CSMD2: variants seen among roughly 807,000 people sequenced by gnomAD.
The protein encoded by CSMD2 is CUB and Sushi multiple domains 2.
CSMD2 carries 130 observed loss-of-function variants against 398.5 expected under a neutral mutation model. The observed-to-expected ratio is 0.33, with a 90% confidence interval of 0.28 to 0.38. The LOEUF is 0.38. Ranked by LOEUF, CSMD2 falls within the 10% of genes least tolerant of loss-of-function variation. CSMD2 has a pLI of 1.00. For synonymous variants in CSMD2, 1,828 were observed against 1,908.5 expected (o/e 0.96, Z 1.10); for missense variants, 3,829 against 4,764.9 (o/e 0.80, Z 5.78).
At position 33,861,012 on chromosome 1, in the gene CSMD2, C is replaced by T. The variant is rs567209378; in HGVS notation, c.921-14016G>A. On this transcript the variant is annotated intron_variant, in intron 5 of 70. Transcript: ENST00000373381. ...ATCTCTATATCTTCTCTGTGCTTTG[C>T]TACCTTCATCTGAATTCACTTATCC... 5.9e-5 allele frequency: 9 copies of T among 152,310 alleles called. No individual in the cohort carries two copies. The South Asian group carries it at 1.9e-3, about 32-fold the overall frequency. 9.4% of individuals were successfully genotyped at this position (152,310 alleles called of 1,614,324 possible).
At chr1:33,821,345 C>A (rs916269609) in intron 7 of CSMD2, among the ~76,000 whole-genome samples, 1 of 152,156 alleles carries the variant, frequency 6.6e-6, no homozygotes, top group East Asian at 1.9e-4. Flanking sequence ...GGTAGGCAAC[C>A]CTTTGGCCCC....
chr1:33,802,538 TC>T (rs1248574108), intron 10 of CSMD2, among the ~76,000 whole-genome samples: 2 of 152,148 alleles, frequency 1.3e-5, no homozygotes, highest in Non-Finnish European at 2.9e-5. Flanking sequence ...CATTCCTAGC[TC>T]CTTGCCAAGC....
Position 33,586,418 on chromosome 1 carries a change from A to T in CSMD2, c.7051+86T>A, listed in dbSNP as rs2148747016. On this transcript the variant is annotated intron_variant, in intron 46 of 70. Transcript: ENST00000373381. ...GTTATGGGGCAGTGACTGAGCTGAG[A>T]ACTGGGAATAGAAAGAGGAGCAAAA... is the stretch of plus-strand genomic sequence containing the variant. The T allele has an allele frequency of 4.8e-6, 4 of 837,282 alleles. No individual in the cohort carries two copies. In the South Asian group the frequency reaches 5.6e-5, roughly 12 times the overall value. 51.9% of individuals were successfully genotyped at this position (837,282 alleles called of 1,614,324 possible).
chr1:33,726,453 G>A (rs1260774840), intron 16 of CSMD2, 94 bp downstream of exon 16: 12 of 1,389,936 alleles, frequency 8.6e-6, no homozygotes, highest in Non-Finnish European at 1.2e-5. Flanking sequence ...TTTCAGCGTT[G>A]GTACTGGTCC....
At chr1:33,913,340 A>C (rs1024820516) in intron 5 of CSMD2, among the ~76,000 whole-genome samples, 3 of 152,126 alleles carry the variant, frequency 2.0e-5, no homozygotes, top group African/African-American at 7.2e-5. Context: ...GGCTAGATAG[A>C]GTCAGGGCAG....
At chr1:34,013,580 T>C (rs1647670228) in intron 3 of CSMD2, among the ~76,000 whole-genome samples, 2 of 152,132 alleles carry the variant, frequency 1.3e-5, no homozygotes, top group African/African-American at 4.8e-5. Flanking sequence ...CTGTTCTTGG[T>C]TCCCAGCTCT....
chr1:33,765,679 G>A (rs1052444992), intron 13 of CSMD2, among the ~76,000 whole-genome samples: 2 of 152,134 alleles, frequency 1.3e-5, no homozygotes, highest in African/African-American at 4.8e-5. Context: ...CACAAATACT[G>A]AGAGACTTGT....
At chr1:33,541,641 T>A (rs1656352105) in intron 58 of CSMD2, among the ~76,000 whole-genome samples, 1 of 152,148 alleles carries the variant, frequency 6.6e-6, no homozygotes, top group African/African-American at 2.4e-5. Flanking sequence ...TTGCCCATTT[T>A]AAATTTTGTT....
intron 15 of CSMD2, among the ~76,000 whole-genome samples, chr1:33,737,209 A>G (rs1366545552): frequency 1.3e-5 from 2 of 152,160 alleles, no homozygotes; most frequent in Non-Finnish European, 2.9e-5. Context: ...TGTTTCTCTA[A>G]CTCCAAAGCT....
intron 3 of CSMD2, among the ~76,000 whole-genome samples, chr1:33,988,469 T>G (rs959645277): frequency 3.3e-5 from 5 of 152,220 alleles, no homozygotes; most frequent in Admixed American, 6.5e-5. Flanking sequence ...AAACGCTGTC[T>G]TCTTAGAAAT....
intron 47 of CSMD2, among the ~76,000 whole-genome samples, chr1:33,583,054 G>C (rs1638839557): frequency 6.6e-6 from 1 of 152,198 alleles, no homozygotes; most frequent in African/African-American, 2.4e-5. Context: ...ACATCTTGCA[G>C]AATATAACAT....
intron 47 of CSMD2, among the ~76,000 whole-genome samples, chr1:33,583,195 C>A (rs1047204131): frequency 2.0e-5 from 3 of 152,210 alleles, no homozygotes; most frequent in African/African-American, 7.2e-5. Context: ...CTACAAAGTT[C>A]TGCTATGAAT....
Position 33,573,570 on chromosome 1 carries a change from C to T in CSMD2, c.7577-879G>A, listed in dbSNP as rs118092577. Among the ~76,000 whole-genome samples, 39 of 149,780 alleles carry T rather than the reference C, an allele frequency of 2.6e-4. No individual in the cohort carries two copies. In the East Asian group the frequency reaches 3.1e-3, roughly 12 times the overall value. ...TCTTTGAAATGAAAAATATGATTGC[C>T]GAAATAAGCATTATAGGATTAGAGA... On this transcript the variant is annotated intron_variant, in intron 49 of 70. Transcript: ENST00000373381.
chr1:33,616,696 C>A (rs1641413478), intron 39 of CSMD2, among the ~76,000 whole-genome samples: 1 of 152,210 alleles, frequency 6.6e-6, no homozygotes, highest in Admixed American at 6.5e-5. Context: ...TGTAACTTTT[C>A]ATTTGGTGGG....
At chr1:33,759,324 C>CTTTTTTTTT (rs756784492) in intron 13 of CSMD2, among the ~76,000 whole-genome samples, 22 of 124,776 alleles carry the variant, frequency 1.8e-4, no homozygotes, top group Non-Finnish European at 2.9e-4. Context: ...CTTTTTTTTT[C>CTTTTTTTTT]TTTTTTTTTT....
intron 40 of CSMD2, among the ~76,000 whole-genome samples, chr1:33,613,883 A>G (rs994445833): frequency 1.3e-5 from 2 of 152,156 alleles, no homozygotes; most frequent in South Asian, 2.1e-4. Context: ...TTGTACCCAC[A>G]CTGATGTCCT....
At chr1:33,800,998 A>T (rs1339676143) in intron 10 of CSMD2, among the ~76,000 whole-genome samples, 1 of 152,060 alleles carries the variant, frequency 6.6e-6, no homozygotes, top group Non-Finnish European at 1.5e-5. Flanking sequence ...GCCAACGAGT[A>T]TGTCCCTGAC....
intron 42 of CSMD2, among the ~76,000 whole-genome samples, chr1:33,603,983 G>T (rs78832021): frequency 0.015 from 2,269 of 152,270 alleles, 62 homozygotes; most frequent in African/African-American, 0.05. Context: ...AGGTCAGCAG[G>T]GACTAGGCCC....
At chr1:33,534,820 T>G (rs1356577496) in intron 62 of CSMD2, among the ~76,000 whole-genome samples, 1 of 152,250 alleles carries the variant, frequency 6.6e-6, no homozygotes, top group East Asian at 1.9e-4. Flanking sequence ...AAGTCATCTT[T>G]GATCCCTTCG....
Sources: gnomAD v4.1 joint callset for allele counts (sites outside exome capture counted in the v4.1 genomes callset) on GRCh38, gnomAD v4.1.1 for gene constraint, MANE v1.5 for transcripts, NCBI Gene and HGNC (gene_info 2026-07-23, HGNC 2026-07-21) for gene names.